The following COX16 variants were observed in gnomAD, a reference collection of about 807,000 sequenced individuals.
COX16 encodes the protein cytochrome c oxidase assembly protein COX16 homolog, mitochondrial.
A neutral mutation model predicts 15.4 loss-of-function variants in COX16; 12 were observed. The ratio of observed to expected loss-of-function variants is 0.78; its 90% confidence interval spans 0.50 to 1.26. COX16 has a LOEUF of 1.26. Ranked by LOEUF, COX16 falls within the 50% of genes most tolerant of loss-of-function variation. The pLI is 0.00. For synonymous variants in COX16, 46 were observed against 41.1 expected, an observed-to-expected ratio of 1.12 and a Z score of -0.46; for missense variants, 124 against 127.6, an observed-to-expected ratio of 0.97 and a Z score of 0.14.
intron 2 of COX16, among the ~76,000 whole-genome samples, chr14:70,340,145 A>G (rs1172416827): frequency 3.3e-5 from 5 of 152,172 alleles, no homozygotes; most frequent in African/African-American, 1.2e-4. Context: ...TAATCAAATC[A>G]TGGACGTGGT....
rs892110923 is a variant in COX16 at position 70,326,175 on chromosome 14, C to A, written c.*158G>T. ...TAGCTGGGAAGTATAAAAACCTGTA[C>A]ATGACCTTTAGTGAAGATTATTTGT... On this transcript the variant is annotated 3_prime_UTR_variant, in exon 4 of 4. Transcript: ENST00000389912. 1.7e-5 allele frequency: 8 copies of A among 474,960 alleles called. No homozygotes were observed. The highest frequency in any genetic ancestry group is 2.3e-5 in the Non-Finnish European group (7 of 298,910). 29.4% of individuals were successfully genotyped at this position (474,960 alleles called of 1,614,324 possible).
chr14:70,326,122 A>T lies in COX16; in HGVS notation c.*211T>A, dbSNP rs141827493. The T allele has an allele frequency of 5.3e-3, 1,666 of 312,144 alleles. 11 individuals are homozygous for T. Among genetic ancestry groups the T allele is most frequent in the Non-Finnish European group, 7.7e-3 (1,354 of 176,336 alleles). 19.3% of individuals were successfully genotyped at this position (312,144 alleles called of 1,614,324 possible). The stretch of plus-strand genomic sequence containing the variant: ...TCGAGGTGTAAAATATACGTGGCCA[A>T]CATTGTTACTTTCATCCACAGATGG... On this transcript the variant is annotated 3_prime_UTR_variant, in exon 4 of 4. Coordinates refer to ENST00000389912, the MANE Select transcript of COX16 (RefSeq NM_016468.7).
intron 2 of COX16, among the ~76,000 whole-genome samples, chr14:70,331,294 C>A (rs141420669): frequency 6.6e-6 from 1 of 152,034 alleles, no homozygotes; most frequent in African/African-American, 2.4e-5. Flanking sequence ...GTGTGAGCCA[C>A]GGCACCCAAC....
rs756535934 is a variant in COX16 at position 70,329,194 on chromosome 14, A to G, written c.184T>C (p.Ser62Pro). The G allele has an allele frequency of 6.0e-5, 96 of 1,608,434 alleles. No individual in the cohort carries two copies. Among genetic ancestry groups the G allele is most frequent in the South Asian group, 4.7e-4 (42 of 90,292 alleles). Reference sequence around the variant, plus strand: ...CGTACCTCATATTCCGACTCTAAAGATATTTTATTCTCTTTCAGTTTTTTT... The same window carrying G: ...CGTACCTCATATTCCGACTCTAAAGGTATTTTATTCTCTTTCAGTTTTTTT... Reference protein sequence around the residue: ...LEKKLKENKISLESEYEKIKD... With the variant: ...LEKKLKENKIPLESEYEKIKD... The change falls in exon 3 of 4, where the codon TCT becomes CCT. Residue 62 changes from serine (S) to proline (P), a missense_variant. By Grantham distance (74) the Ser-to-Pro change is moderately conservative. Transcript: ENST00000389912.
chr14:70,352,613 A>T (rs1455955725), intron 1 of COX16, among the ~76,000 whole-genome samples: 3 of 147,994 alleles, frequency 2.0e-5, no homozygotes, highest in African/African-American at 7.4e-5. Context: ...TCACTCATAC[A>T]TTTTCTAACA....
At position 70,329,159 on chromosome 14, in the gene COX16, AT is replaced by A; in HGVS notation, c.204+14del. ...CTGATTGTTATAAGACAGAGACTATATTAACATACCGTACCTCATATTCCGA... is the reference window on the plus strand; with the variant it reads ...CTGATTGTTATAAGACAGAGACTATATAACATACCGTACCTCATATTCCGA... On this transcript the variant is annotated intron_variant, in intron 3 of 3. Coordinates refer to ENST00000389912, the MANE Select transcript of COX16 (RefSeq NM_016468.7). 6.2e-7 allele frequency: 1 copy of A among 1,601,792 alleles called. No homozygotes were observed. Among genetic ancestry groups the A allele is most frequent in the East Asian group, 2.3e-5 (1 of 44,358 alleles).
chr14:70,354,213 CAT>C (rs749660786), intron 1 of COX16, among the ~76,000 whole-genome samples: 2 of 152,050 alleles, frequency 1.3e-5, no homozygotes, highest in Non-Finnish European at 2.9e-5. Flanking sequence ...ATAAAAACAA[CAT>C]AAAATCAAAA....
chr14:70,326,696 A>G (rs1886089500), intron 3 of COX16, among the ~76,000 whole-genome samples: 1 of 152,218 alleles, frequency 6.6e-6, no homozygotes, highest in Non-Finnish European at 1.5e-5. Context: ...AAATAGAGAA[A>G]GAGTCTACAT....
chr14:70,355,199 A>G (rs1887089962), intron 1 of COX16, among the ~76,000 whole-genome samples: 2 of 152,288 alleles, frequency 1.3e-5, no homozygotes, highest in Non-Finnish European at 2.9e-5. Context: ...CCAACCATCA[A>G]TGACATCCAC....
intron 1 of COX16, among the ~76,000 whole-genome samples, chr14:70,347,945 A>G (rs1021949382): frequency 6.6e-6 from 1 of 152,046 alleles, no homozygotes; most frequent in African/African-American, 2.4e-5. Flanking sequence ...CAAACCCTGC[A>G]TAGCCTATTA....
intron 2 of COX16, among the ~76,000 whole-genome samples, chr14:70,334,656 A>T (rs1467104265): frequency 6.6e-6 from 1 of 152,230 alleles, no homozygotes; most frequent in Non-Finnish European, 1.5e-5. Flanking sequence ...TGTTATATCT[A>T]TAGGATGTTT....
At chr14:70,353,413 CAT>C (rs200954890) in intron 1 of COX16, among the ~76,000 whole-genome samples, 3,401 of 148,836 alleles carry the variant, frequency 0.023, 121 homozygotes, top group African/African-American at 0.078. Context: ...TATACATACA[CAT>C]ATATATACAC....
At chr14:70,344,540 TCACTCAC>T (rs1886717936) in intron 1 of COX16, among the ~76,000 whole-genome samples, 1 of 152,218 alleles carries the variant, frequency 6.6e-6, no homozygotes, top group African/African-American at 2.4e-5. Context: ...AAGGAGAAAC[TCACTCAC>T]CATTACTTAT....
intron 2 of COX16, among the ~76,000 whole-genome samples, chr14:70,336,396 T>C (rs1198508885): frequency 6.6e-6 from 1 of 152,248 alleles, no homozygotes; most frequent in African/African-American, 2.4e-5. Flanking sequence ...ATTTTTACTT[T>C]TTGACACAGA....
intron 2 of COX16, among the ~76,000 whole-genome samples, 176 bp from the exon 3 acceptor site, chr14:70,329,412 A>G (rs1886207320): frequency 1.3e-5 from 2 of 152,098 alleles, no homozygotes; most frequent in African/African-American, 4.8e-5. Context: ...TGCCAGCATT[A>G]TTCAACTAAA....
At chr14:70,348,633 G>A (rs2140736836) in intron 1 of COX16, among the ~76,000 whole-genome samples, 1 of 152,236 alleles carries the variant, frequency 6.6e-6, no homozygotes, top group Middle Eastern at 3.4e-3. Context: ...AAAGCTGAAT[G>A]CACTGCTCTC....
rs74353890 is a variant in COX16, at chr14:70,326,298, TAAAA to T, written c.*31_*34del. The T allele has an allele frequency of 4.5e-6, 5 of 1,106,664 alleles. No individual in the cohort carries two copies. The highest frequency in any genetic ancestry group is 1.7e-5 in the African/African-American group (1 of 58,628). 68.6% of individuals were successfully genotyped at this position (1,106,664 alleles called of 1,614,324 possible). ...AAGTCCAGTTAATAATATTTTTATTTAAAAAAAAAAAAAAGGAAAAAAGAATCAG... is the reference window on the plus strand; with the variant it reads ...AAGTCCAGTTAATAATATTTTTATTTAAAAAAAAAAGGAAAAAAGAATCAG... On this transcript the variant is annotated 3_prime_UTR_variant, in exon 4 of 4. Transcript: ENST00000389912.
intron 1 of COX16, among the ~76,000 whole-genome samples, chr14:70,358,258 C>T (rs1319875960): frequency 1.3e-5 from 2 of 151,492 alleles, no homozygotes; most frequent in African/African-American, 4.8e-5. Context: ...AGTTATGATG[C>T]TTTTTTGGGG....
intron 1 of COX16, among the ~76,000 whole-genome samples, chr14:70,343,049 AAAAC>A (rs1886669635): frequency 3.3e-5 from 5 of 150,918 alleles, no homozygotes; most frequent in East Asian, 1.9e-4. Context: ...TGCTAAGAAA[AAAAC>A]AAAAACAAAA....
Sources: allele counts gnomAD v4.1 joint callset (sites outside exome capture counted in the v4.1 genomes callset), GRCh38; gene constraint gnomAD v4.1.1; transcripts MANE v1.5; gene names NCBI Gene and HGNC (gene_info 2026-07-23, HGNC 2026-07-21).